Variants in CHN2 observed in about 807,000 individuals in gnomAD.
The protein encoded by CHN2 is beta-chimaerin.
Under a neutral mutation model 56.3 loss-of-function variants are expected in CHN2, and 35 were observed. The ratio of observed to expected loss-of-function variants is 0.62; its 90% CI spans 0.47 to 0.82. The LOEUF is 0.82. Among genes scored for constraint, CHN2 ranks in the 40% least tolerant of loss-of-function variants. The probability of loss-of-function intolerance (pLI) is 0.00; values close to 1 mark genes in which losing one functional copy is unlikely to be tolerated. For synonymous variants in CHN2, 210 were observed against 212.8 expected (o/e 0.99, Z 0.12); for missense variants, 491 against 580.5 (o/e 0.85, Z 1.58).
chr7:29,163,988 A>C (rs1452496009), intron 2 of CHN2, among the ~76,000 whole-genome samples: 1 of 152,252 alleles, frequency 6.6e-6, no homozygotes, highest in African/African-American at 2.4e-5. Context: ...ATTCGTGGAC[A>C]AGTCCTTATG....
chr7:29,163,195 A>G (rs1472475278), intron 2 of CHN2, among the ~76,000 whole-genome samples: 1 of 152,184 alleles, frequency 6.6e-6, no homozygotes, highest in East Asian at 1.9e-4. Context: ...TGTTTGATAT[A>G]TGAATCTGTT....
intron 9 of CHN2, 31 bp downstream of exon 9, chr7:29,500,071 T>C (rs1252026464): frequency 1.4e-6 from 2 of 1,425,110 alleles, no homozygotes; most frequent in East Asian, 2.5e-5. Context: ...TATAGTAGTA[T>C]AGTGATTTTA....
chr7:29,508,556 AC>A (rs1054601840), intron 11 of CHN2, among the ~76,000 whole-genome samples: 16 of 152,062 alleles, frequency 1.1e-4, no homozygotes, highest in African/African-American at 3.9e-4. Context: ...TGAGGCCCTG[AC>A]CCCGGTAAGA....
chr7:29,244,347 A>G (rs550058491), intron 1 of CHN2, among the ~76,000 whole-genome samples: 16 of 152,178 alleles, frequency 1.1e-4, no homozygotes, highest in Non-Finnish European at 2.2e-4. Flanking sequence ...TCCCACACAG[A>G]GGGATGCACC....
intron 1 of CHN2, among the ~76,000 whole-genome samples, chr7:29,241,932 G>A (rs192805793): frequency 1.8e-4 from 27 of 152,270 alleles, no homozygotes; most frequent in African/African-American, 5.5e-4. Context: ...AAGAAAGTTT[G>A]ATGTAATCTT....
intron 6 of CHN2, among the ~76,000 whole-genome samples, chr7:29,450,314 C>T (rs1287225373): frequency 6.6e-6 from 1 of 152,130 alleles, no homozygotes; most frequent in Non-Finnish European, 1.5e-5. Context: ...ATAACTGTGA[C>T]CTTACCTTGG....
rs1485442019 is a variant in CHN2 at position 29,514,316 on chromosome 7, C to A, written c.*1581C>A. 8.5e-5 allele frequency: 13 copies of A among 152,594 alleles called. No individual in the cohort carries two copies. Among genetic ancestry groups the A allele is most frequent in the Non-Finnish European group, 1.9e-4 (13 of 68,034 alleles). The allele number at this position is 152,594 out of a possible 1,614,324, so 9.5% of individuals were successfully genotyped here. A position where few individuals can be genotyped will look rare whatever the true frequency, so the allele number is the denominator to read the frequency against. On this transcript the variant is annotated 3_prime_UTR_variant, in exon 13 of 13. Coordinates refer to ENST00000222792, the MANE Select transcript of CHN2 (RefSeq NM_004067.4). ...GGCAAAGCATCACATGTATTAAATT[C>A]TTCTGTCTATTATTCTGGAGTATGT...
At chr7:29,480,135 G>A (rs746470207) in intron 6 of CHN2, 144 bp from the exon 7 acceptor site, 1 of 1,560,280 alleles carries the variant, frequency 6.4e-7, no homozygotes, top group East Asian at 2.4e-5. Context: ...ACTGTGGCTG[G>A]AAAATGAGAA....
intron 1 of CHN2, chr7:29,213,193 A>T (rs1785086630): frequency 1.6e-6 from 2 of 1,288,882 alleles, no homozygotes; most frequent in Non-Finnish European, 1.1e-6. Flanking sequence ...TACTCCACGA[A>T]CACGCAACCT....
At chr7:29,253,877 G>T (rs761082248) in intron 1 of CHN2, among the ~76,000 whole-genome samples, 1 of 152,118 alleles carries the variant, frequency 6.6e-6, no homozygotes, top group Non-Finnish European at 1.5e-5. Context: ...ATACTGTTTG[G>T]TAGGAGTAGA....
At chr7:29,233,414 G>T (rs74751799) in intron 1 of CHN2, among the ~76,000 whole-genome samples, 1 of 152,164 alleles carries the variant, frequency 6.6e-6, no homozygotes, top group South Asian at 2.1e-4. Flanking sequence ...CTAGAAGTGG[G>T]TGCTCAAAAC....
intron 6 of CHN2, among the ~76,000 whole-genome samples, chr7:29,440,973 A>G (rs1458431855): frequency 6.6e-6 from 1 of 152,154 alleles, no homozygotes; most frequent in Non-Finnish European, 1.5e-5. Context: ...AAGTGATGTT[A>G]TGTTTTTTTA....
chr7:29,332,524 C>T (rs1385112900), intron 1 of CHN2, among the ~76,000 whole-genome samples: 1 of 152,138 alleles, frequency 6.6e-6, no homozygotes, highest in Non-Finnish European at 1.5e-5. Context: ...CTAAAATGCT[C>T]TCTCGCAATG....
chr7:29,377,936 T>C (rs1800200571), intron 3 of CHN2, among the ~76,000 whole-genome samples: 1 of 152,216 alleles, frequency 6.6e-6, no homozygotes, highest in East Asian at 1.9e-4. Flanking sequence ...AACAAAGGCA[T>C]ATTTGGTTGC....
intron 1 of CHN2, among the ~76,000 whole-genome samples, chr7:29,326,315 G>A (rs1795799528): frequency 1.3e-5 from 2 of 152,118 alleles, no homozygotes; most frequent in East Asian, 1.9e-4. Flanking sequence ...GTGCCACCAT[G>A]CCCAGCTAAT....
intron 3 of CHN2, among the ~76,000 whole-genome samples, chr7:29,380,286 CAA>C (rs11373361): frequency 0.095 from 14,069 of 147,862 alleles, 853 homozygotes; most frequent in African/African-American, 0.16. Flanking sequence ...TGGTTCTTAC[CAA>C]AAAAAAAACC....
In CHN2 at chr7:29,513,491, C is replaced by G. The variant is rs962601065; in HGVS notation, c.*756C>G. On this transcript the variant is annotated 3_prime_UTR_variant, in exon 13 of 13. Transcript: ENST00000222792. The stretch of plus-strand genomic sequence containing the variant: ...AAATTTTGTGAATTCCCAAAGTATG[C>G]TTTGGAATTGGTCATAGTCTTTTCG... The G allele has an allele frequency of 6.6e-6, 1 of 152,186 alleles. No individual in the cohort carries two copies. Among genetic ancestry groups the G allele is most frequent in the Non-Finnish European group, 1.5e-5 (1 of 68,038 alleles). 9.4% of individuals were successfully genotyped at this position (152,186 alleles called of 1,614,324 possible). A position where few individuals can be genotyped will look rare whatever the true frequency, so the allele number is the denominator to read the frequency against.
chr7:29,486,413 G>A (rs114314879), intron 7 of CHN2, among the ~76,000 whole-genome samples: 2,057 of 152,264 alleles, frequency 0.014, 42 homozygotes, highest in African/African-American at 0.048. Flanking sequence ...CCTTGCCAGG[G>A]TCATCAGATG....
intron 6 of CHN2, among the ~76,000 whole-genome samples, chr7:29,442,670 C>T (rs956048084): frequency 3.3e-5 from 5 of 152,122 alleles, no homozygotes; most frequent in Non-Finnish European, 5.9e-5. Flanking sequence ...ATTTCATTTT[C>T]CCACATGCAA....
Sources: gnomAD v4.1 joint callset for allele counts (sites outside exome capture counted in the v4.1 genomes callset) on GRCh38, gnomAD v4.1.1 for gene constraint, MANE v1.5 for transcripts, NCBI Gene and HGNC (gene_info 2026-07-23, HGNC 2026-07-21) for gene names.